The following YY1 variants were observed in gnomAD, a reference collection of about 807,000 sequenced individuals.
The protein encoded by YY1 is transcriptional repressor protein YY1.
Under a neutral mutation model 35.6 loss-of-function variants are expected in YY1, and 2 were observed. That is an observed-to-expected ratio of 0.06 (90% CI 0.02 to 0.18). The LOEUF is 0.18. YY1 is among the 10% of genes least tolerant of loss of function. The pLI is 1.00. For missense variants in YY1, 322 were observed against 573.4 expected (o/e 0.56, Z 4.48); for synonymous variants, 268 against 238.9 (o/e 1.12, Z -1.12).
At chr14:100,275,234 T>C (rs1297936982) in intron 3 of YY1, among the ~76,000 whole-genome samples, 4 of 152,196 alleles carry the variant, frequency 2.6e-5, no homozygotes, top group Admixed American at 1.3e-4. Flanking sequence ...AAAGTACTTT[T>C]GAGATATTTG....
chr14:100,271,642 C>T (rs1269115017), intron 2 of YY1, among the ~76,000 whole-genome samples: 1 of 151,880 alleles, frequency 6.6e-6, no homozygotes, highest in Non-Finnish European at 1.5e-5. Context: ...TTTCATTACA[C>T]CTTATACACA....
intron 1 of YY1, among the ~76,000 whole-genome samples, chr14:100,240,714 C>T (rs903732477): frequency 2.6e-5 from 4 of 152,178 alleles, no homozygotes; most frequent in Non-Finnish European, 4.4e-5. Flanking sequence ...AATTCCTGGC[C>T]TTTTCGCCTT....
At chr14:100,264,884 G>A (rs1267401204) in intron 2 of YY1, among the ~76,000 whole-genome samples, 1 of 152,148 alleles carries the variant, frequency 6.6e-6, no homozygotes, top group African/African-American at 2.4e-5. Flanking sequence ...AGCTGAGGTG[G>A]GATCGCTTGA....
chr14:100,268,060 C>T (rs1229210583), intron 2 of YY1, among the ~76,000 whole-genome samples: 1 of 152,212 alleles, frequency 6.6e-6, no homozygotes, highest in Non-Finnish European at 1.5e-5. Flanking sequence ...CAGACCACAT[C>T]TTCGCTAATT....
intron 1 of YY1, among the ~76,000 whole-genome samples, chr14:100,254,725 A>G (rs1343892110): frequency 1.3e-5 from 2 of 151,720 alleles, no homozygotes; most frequent in Non-Finnish European, 2.9e-5. Flanking sequence ...CCAAAATGCT[A>G]AGATTACAGG....
At chr14:100,244,124 A>T (rs1400528541) in intron 1 of YY1, among the ~76,000 whole-genome samples, 2 of 151,182 alleles carry the variant, frequency 1.3e-5, no homozygotes, top group Non-Finnish European at 2.9e-5. Context: ...AAAAAAAAAA[A>T]TTAGTGGGAG....
chr14:100,244,035 G>A (rs974958749), intron 1 of YY1, among the ~76,000 whole-genome samples: 2 of 151,554 alleles, frequency 1.3e-5, no homozygotes, highest in Non-Finnish European at 2.9e-5. Context: ...GTGAACACGG[G>A]AGGCGGAGCT....
intron 2 of YY1, among the ~76,000 whole-genome samples, chr14:100,272,794 T>G (rs1891261165): frequency 6.6e-6 from 1 of 152,070 alleles, no homozygotes; most frequent in African/African-American, 2.4e-5. Flanking sequence ...ATGTAGTCTT[T>G]TATCCCACAC....
intron 1 of YY1, among the ~76,000 whole-genome samples, chr14:100,253,301 T>C (rs1207765615): frequency 6.6e-6 from 1 of 152,246 alleles, no homozygotes; most frequent in Admixed American, 6.5e-5. Context: ...ATAGCATAAT[T>C]TGACATTCAA....
chr14:100,252,457 G>T (rs1890938449), intron 1 of YY1, among the ~76,000 whole-genome samples: 1 of 152,294 alleles, frequency 6.6e-6, no homozygotes, highest in East Asian at 1.9e-4. Flanking sequence ...GTGTTGGCTA[G>T]ATTTTGTTTT....
At position 100,262,327 on chromosome 14, in the gene YY1, G is replaced by A; in HGVS notation, c.703G>A (p.Glu235Lys). ...SSDEKKDIDH[E>K]TVVEEQIIGE... Reference sequence around the variant, plus strand: ...AGATGAAAAAAAAGATATTGACCATGAGACAGTGGTTGAAGAACAGATCAT... The same window carrying A: ...AGATGAAAAAAAAGATATTGACCATAAGACAGTGGTTGAAGAACAGATCAT... The change falls in exon 2 of 5, where the codon GAG becomes AAG. Residue 235 changes from glutamate to lysine, a missense_variant. Physicochemically the swap from Glu to Lys is moderately conservative, Grantham distance 56 (BLOSUM62 1). Around this residue, in one of 4 missense-constraint regions of YY1, gnomAD observed 152 missense variants for 167.1 expected, o/e 0.91. Transcript: ENST00000262238. 2.5e-6 allele frequency: 4 copies of A among 1,613,922 alleles called. No individual in the cohort carries two copies. The highest frequency in any genetic ancestry group is 2.5e-6 in the Non-Finnish European group (3 of 1,180,016).
At chr14:100,248,764 T>G (rs1281708620) in intron 1 of YY1, among the ~76,000 whole-genome samples, 1 of 147,562 alleles carries the variant, frequency 6.8e-6, no homozygotes, top group Non-Finnish European at 1.5e-5. Context: ...CTCGGCTCAC[T>G]GCAAGCTCTG....
chr14:100,239,844 G>A lies in YY1; in HGVS notation c.600G>A (p.Pro200=), dbSNP rs1043261957. 16 of 1,504,272 alleles carry A rather than the reference G, an allele frequency of 1.1e-5. No individual in the cohort carries two copies. The African/African-American group carries it at 1.6e-4, about 15-fold the overall frequency. 93.2% of individuals were successfully genotyped at this position (1,504,272 alleles called of 1,614,324 possible). The change falls in exon 1 of 5, where the codon CCG becomes CCA. Residue 200 remains proline, a synonymous_variant. Transcript: ENST00000262238. ...CGGCGGGCGGCGGCGGCGCCGACCC[G>A]GGCAACAAGAAGTGGGAGCAGAAGC... ...AGAAGGGGAD[P]GNKKWEQKQV... is the part of the protein sequence containing the mutation.
At chr14:100,242,765 T>C (rs1444142992) in intron 1 of YY1, among the ~76,000 whole-genome samples, 1 of 151,746 alleles carries the variant, frequency 6.6e-6, no homozygotes, top group African/African-American at 2.4e-5. Flanking sequence ...TTTTTTTAAT[T>C]TGAGACAGAG....
chr14:100,258,255 A>T (rs1295324505), intron 1 of YY1, among the ~76,000 whole-genome samples: 1 of 152,214 alleles, frequency 6.6e-6, no homozygotes, highest in African/African-American at 2.4e-5. Flanking sequence ...AGGGATGGGC[A>T]CGTGCAGGGG....
chr14:100,275,400 C>T (rs560888856), intron 3 of YY1, among the ~76,000 whole-genome samples: 16 of 152,286 alleles, frequency 1.1e-4, no homozygotes, highest in African/African-American at 3.9e-4. Context: ...GGTCTCTTCC[C>T]TGTAATGACT....
At chr14:100,262,505 A>AGTG in intron 2 of YY1, 39 bp downstream of exon 2, 2 of 1,605,778 alleles carry the variant, frequency 1.2e-6, no homozygotes, top group South Asian at 2.2e-5. Context: ...AATTATAGAA[A>AGTG]GTGCTTGAGT....
chr14:100,250,554 A>C (rs925997183), intron 1 of YY1, among the ~76,000 whole-genome samples: 6 of 151,728 alleles, frequency 4.0e-5, no homozygotes, highest in African/African-American at 1.2e-4. Context: ...GTCAAAATTA[A>C]AAAAAAAGGA....
intron 1 of YY1, among the ~76,000 whole-genome samples, chr14:100,261,298 C>G (rs921179470): frequency 6.6e-6 from 1 of 152,126 alleles, no homozygotes; most frequent in East Asian, 1.9e-4. Flanking sequence ...AAGCAATTCT[C>G]CTGCCTCAGC....
Sources: allele counts gnomAD v4.1 joint callset (sites outside exome capture counted in the v4.1 genomes callset), GRCh38; gene constraint gnomAD v4.1.1; regional missense constraint gnomAD v4.1.1; transcripts MANE v1.5; gene names NCBI Gene and HGNC (gene_info 2026-07-23, HGNC 2026-07-21).